AGAP3: variants seen among roughly 807,000 people sequenced by gnomAD.
AGAP3 encodes ArfGAP with GTPase domain, ankyrin repeat and PH domain 3, also known as arf-GAP with GTPase, ANK repeat and PH domain-containing protein 3.
Under a neutral mutation model 96.9 loss-of-function variants are expected in AGAP3, and 24 were observed. That is an observed-to-expected ratio of 0.25 (90% confidence interval 0.18 to 0.35). The LOEUF (loss-of-function observed/expected upper bound fraction) is 0.35, where lower values mean the gene tolerates loss of function less well. AGAP3 is among the 10% of genes least tolerant of loss of function. The pLI is 1.00. For synonymous variants in AGAP3, 563 were observed against 536.1 expected, an observed-to-expected ratio of 1.05 and a Z score of -0.69; for missense variants, 876 against 1,254.2, an observed-to-expected ratio of 0.70 and a Z score of 4.55.
chr7:151,118,158 T>C lies in AGAP3; in HGVS notation c.707-52T>C. On this transcript the variant is annotated intron_variant, in intron 5 of 17. Coordinates refer to ENST00000397238, the MANE Select transcript of AGAP3 (RefSeq NM_031946.7). This position sits in a 1 kb window ranked among gnomAD's most constrained non-coding sequence, Gnocchi z 6.1. Reference sequence around the variant, plus strand: ...TTGGGCCAAATGCCCCCCACCACACTACCCCAGCTTCTCCGAAAGCTGAAT... The same window carrying C: ...TTGGGCCAAATGCCCCCCACCACACCACCCCAGCTTCTCCGAAAGCTGAAT... 1 of 1,562,302 alleles carries C rather than the reference T, an allele frequency of 6.4e-7. No homozygotes were observed. The highest frequency in any genetic ancestry group is 8.7e-7 in the Non-Finnish European group (1 of 1,148,668).
chr7:151,122,454 G>C (rs868425201), intron 8 of AGAP3, among the ~76,000 whole-genome samples: 1 of 152,140 alleles, frequency 6.6e-6, no homozygotes, highest in African/African-American at 2.4e-5. Flanking sequence ...ATACCATTCC[G>C]TGCTGAGGTG....
rs1041000819 is a variant in AGAP3 at position 151,108,262 on chromosome 7, AAAAC to A, written c.332-8526_332-8523del. On this transcript the variant is annotated intron_variant, in intron 1 of 17. Transcript: ENST00000397238. This position sits in a 1 kb window ranked among gnomAD's most constrained non-coding sequence, Gnocchi z 4.2. ...AGCACAGAGCTCATGGATAGACAGG[AAAAC>A]AAACTGCTCTCAAGTACCATCTGTA... 5.9e-5 allele frequency among the ~76,000 whole-genome samples: 9 copies of A among 152,182 alleles called. No homozygotes were observed. Among genetic ancestry groups the A allele is most frequent in the African/African-American group, 1.9e-4 (8 of 41,438 alleles).
rs758832960 is a variant in AGAP3, at chr7:151,138,165, C to A, written c.1518C>A (p.Ser506Arg). The change falls in exon 12 of 18, where the codon AGC becomes AGA. Residue 506 changes from serine to arginine, a missense_variant. This residue lies in a region of AGAP3 where 155 missense variants were observed against 144.4 expected (regional missense o/e 1.07). Coordinates refer to ENST00000397238, the MANE Select transcript of AGAP3 (RefSeq NM_031946.7). ...GGTGAPHSAS[S>R]ASLHSERPLS... ...CAGGTGCCCCCCACTCGGCCAGCAGCGCATCCCTGCACTCTGAGCGCCCCC... is the reference window on the plus strand; with the variant it reads ...CAGGTGCCCCCCACTCGGCCAGCAGAGCATCCCTGCACTCTGAGCGCCCCC... 6.2e-7 allele frequency: 1 copy of A among 1,605,356 alleles called. No homozygotes were observed. The highest frequency in any genetic ancestry group is 8.5e-7 in the Non-Finnish European group (1 of 1,176,568).
rs150880878 is a variant in AGAP3, at chr7:151,143,296, C to T, written c.2274-45C>T. 1.0e-4 allele frequency: 162 copies of T among 1,560,074 alleles called. No homozygotes were observed. In the African/African-American group the frequency reaches 1.7e-3, roughly 16 times the overall value. On this transcript the variant is annotated intron_variant, in intron 16 of 17. Transcript: ENST00000397238. This position sits in a 1 kb window ranked among gnomAD's most constrained non-coding sequence, Gnocchi z 5.9. ...CACCTTCCTGGCCCCACCCGTTGCT[C>T]GGTGACCTTCCTTGGCTCATGCCCT...
chr7:151,116,137 C>T (rs766459760), intron 1 of AGAP3, among the ~76,000 whole-genome samples: 2 of 152,178 alleles, frequency 1.3e-5, no homozygotes, highest in African/African-American at 2.4e-5. Context: ...TGTCGGAGGG[C>T]TCTGGGTAAA....
At chr7:151,120,204 G>A (rs993219202) in intron 8 of AGAP3, 59 bp downstream of exon 8, 41 of 1,520,764 alleles carry the variant, frequency 2.7e-5, no homozygotes, top group South Asian at 5.1e-5. Context: ...AGGGCTGAGC[G>A]CCGAGCTCCC....
At position 151,117,103 on chromosome 7, in the gene AGAP3, G is replaced by A; in HGVS notation, c.399G>A (p.Val133=). ...CCCTTCCTCTCCCGCAGGGCATAGT[G>A]GGGAACCTGTCTAGCGGGAAGTCAG... ...RSVPELKVGI[V]GNLSSGKSAL... is the part of the protein sequence containing the mutation. Residue 133 remains valine, a synonymous_variant, in exon 3 of 18, where the codon GTG becomes GTA. Coordinates refer to ENST00000397238, the MANE Select transcript of AGAP3 (RefSeq NM_031946.7). 1 of 1,614,026 alleles carries A rather than the reference G, an allele frequency of 6.2e-7. No individual in the cohort carries two copies. Among genetic ancestry groups the A allele is most frequent in the Non-Finnish European group, 8.5e-7 (1 of 1,179,916 alleles).
intron 10 of AGAP3, among the ~76,000 whole-genome samples, chr7:151,129,071 G>C (rs1195104159): frequency 6.6e-6 from 1 of 152,116 alleles, no homozygotes; most frequent in Non-Finnish European, 1.5e-5. Flanking sequence ...GAATGGGCTA[G>C]AGCCTCGGAC....
Position 151,086,669 on chromosome 7 carries a change from TGCCGCC to T in AGAP3, c.-54_-49del, listed in dbSNP as rs570588152. ...CCAGCCCCGCGCTCCCGCTCGCCGC[TGCCGCC>T]GCCGCCGCCGCCGCCGCCTCCGCCG... On this transcript the variant is annotated 5_prime_UTR_variant, in exon 1 of 18. Transcript: ENST00000397238. 33,296 of 158,620 alleles carry T rather than the reference TGCCGCC, an allele frequency of 0.21. 3,644 individuals are homozygous for T. The highest frequency in any genetic ancestry group is 0.29 in the South Asian group (1,585 of 5,524). The allele number at this position is 158,620 out of a possible 1,614,324, so 9.8% of individuals were successfully genotyped here. A position where few individuals can be genotyped will look rare whatever the true frequency, so the allele number is the denominator to read the frequency against.
At chr7:151,116,609 C>T in intron 1 of AGAP3, 184 bp from the exon 2 acceptor site, 1 of 653,026 alleles carries the variant, frequency 1.5e-6, no homozygotes, top group South Asian at 1.8e-5. Context: ...TACTCTGCTT[C>T]ACTCAAGAAG....
In AGAP3 at chr7:151,140,415, C is replaced by T. The variant is rs1800773425; in HGVS notation, c.1804+299C>T. On this transcript the variant is annotated intron_variant, in intron 13 of 17. Coordinates refer to ENST00000397238, the MANE Select transcript of AGAP3 (RefSeq NM_031946.7). This position sits in a 1 kb window ranked among gnomAD's most constrained non-coding sequence, Gnocchi z 5.4. Reference sequence around the variant, plus strand: ...CTCCTCTAAGATGTTCGGGCAGGACCTGTGTTTTCTGTCTCTTGTGTCATA... The same window carrying T: ...CTCCTCTAAGATGTTCGGGCAGGACTTGTGTTTTCTGTCTCTTGTGTCATA... 1.4e-5 allele frequency: 3 copies of T among 216,532 alleles called. No individual in the cohort carries two copies. In the South Asian group the frequency reaches 4.1e-4, roughly 30 times the overall value. The allele number at this position is 216,532 out of a possible 1,614,324, so 13.4% of individuals were successfully genotyped here.
chr7:151,111,898 T>C (rs1475158037), intron 1 of AGAP3, among the ~76,000 whole-genome samples: 1 of 152,190 alleles, frequency 6.6e-6, no homozygotes, highest in East Asian at 1.9e-4. Context: ...AGGGCTTGTG[T>C]TGTGGGATTT....
intron 1 of AGAP3, among the ~76,000 whole-genome samples, chr7:151,098,203 A>C (rs1393869261): frequency 6.6e-6 from 1 of 152,212 alleles, no homozygotes; most frequent in Non-Finnish European, 1.5e-5. Flanking sequence ...TACAAAAAAT[A>C]GGAAAATTAG....
At position 151,098,733 on chromosome 7, in the gene AGAP3, C is replaced by CTT. The variant is rs34617813; in HGVS notation, c.331+11679_331+11680dup. Among the ~76,000 whole-genome samples the CTT allele has an allele frequency of 2.0e-3, 235 of 116,120 alleles. 4 individuals are homozygous for CTT. Among genetic ancestry groups the CTT allele is most frequent in the African/African-American group, 6.4e-3 (198 of 30,730 alleles). 76.2% of individuals were successfully genotyped at this position (116,120 alleles called of 152,430 possible). ...ATCCTCTTTGATTCAATTTTCTTTT[C>CTT]TTTTTTTTTTTTTTTTTTTGAGACA... On this transcript the variant is annotated intron_variant, in intron 1 of 17. Coordinates refer to ENST00000397238, the MANE Select transcript of AGAP3 (RefSeq NM_031946.7).
At chr7:151,121,369 C>CCTGCTGCTG (rs201172297) in intron 8 of AGAP3, among the ~76,000 whole-genome samples, 50 of 151,960 alleles carry the variant, frequency 3.3e-4, no homozygotes, top group Non-Finnish European at 6.2e-4. Context: ...CGAGCCCACA[C>CCTGCTGCTG]CTGCTGCTGC....
At chr7:151,132,307 A>T (rs1563512619) in intron 10 of AGAP3, among the ~76,000 whole-genome samples, 2 of 152,180 alleles carry the variant, frequency 1.3e-5, no homozygotes, top group African/African-American at 4.8e-5. Context: ...CTGCTCACTG[A>T]TTCCTCGGTT....
intron 1 of AGAP3, among the ~76,000 whole-genome samples, chr7:151,100,433 A>G (rs1366417709): frequency 2.0e-5 from 3 of 152,110 alleles, no homozygotes; most frequent in Admixed American, 1.3e-4. Flanking sequence ...TCCACTTCAC[A>G]TGGGAAGGCT....
In AGAP3 at chr7:151,142,324, G is replaced by A. The variant is rs1422137097; in HGVS notation, c.2050+71G>A. 8.1e-5 allele frequency: 130 copies of A among 1,599,832 alleles called. No individual in the cohort carries two copies. Among genetic ancestry groups the A allele is most frequent in the Middle Eastern group, 3.3e-4 (2 of 6,012 alleles). ...AAAGCTTCGCAAGCATCAGGGAGCAGGGAAGAGGGCAGGGAAGCCTTCCCT... is the reference window on the plus strand; with the variant it reads ...AAAGCTTCGCAAGCATCAGGGAGCAAGGAAGAGGGCAGGGAAGCCTTCCCT... On this transcript the variant is annotated intron_variant, in intron 15 of 17. Transcript: ENST00000397238. The surrounding 1 kb of genome is among the most constrained non-coding windows in gnomAD (Gnocchi z 7.5).
At chr7:151,112,647 G>A (rs1799346283) in intron 1 of AGAP3, among the ~76,000 whole-genome samples, 1 of 152,068 alleles carries the variant, frequency 6.6e-6, no homozygotes, top group Non-Finnish European at 1.5e-5. Context: ...GGCCCAGGCT[G>A]GAATGCAGTG....
Sources: allele counts gnomAD v4.1 joint callset (sites outside exome capture counted in the v4.1 genomes callset), GRCh38; gene constraint gnomAD v4.1.1; regional missense constraint gnomAD v4.1.1; non-coding constraint Gnocchi (gnomAD v3.1); transcripts MANE v1.5; gene names NCBI Gene and HGNC (gene_info 2026-07-23, HGNC 2026-07-21).